The following UNC79 variants were observed in gnomAD, a reference collection of about 807,000 sequenced individuals.
UNC79 encodes unc-79 subunit of NALCN channel complex.
Under a neutral mutation model 283.1 loss-of-function variants are expected in UNC79, and 37 were observed. The observed-to-expected ratio is 0.13, with a 90% confidence interval of 0.10 to 0.17. The LOEUF (loss-of-function observed/expected upper bound fraction) is 0.17. Ranked by LOEUF, UNC79 falls within the 10% of genes least tolerant of loss-of-function variation. The pLI is 1.00. For synonymous variants in UNC79, 1,107 were observed against 1,200.2 expected, an observed-to-expected ratio of 0.92 and a Z score of 1.61; for missense variants, 2,272 against 3,211.1, an observed-to-expected ratio of 0.71 and a Z score of 7.07.
intron 27 of UNC79, among the ~76,000 whole-genome samples, chr14:93,615,273 C>T (rs17129121): frequency 0.13 from 19,578 of 152,070 alleles, 1,440 homozygotes; most frequent in Admixed American, 0.18. Flanking sequence ...AGATGAGCAA[C>T]GTGAGAGCAA....
chr14:93,557,946 G>C (rs1490358420), intron 14 of UNC79, among the ~76,000 whole-genome samples: 1 of 152,118 alleles, frequency 6.6e-6, no homozygotes, highest in Non-Finnish European at 1.5e-5. Context: ...ACATGAACCT[G>C]AAAATTTCCA....
At chr14:93,452,375 A>ATTTTTTT (rs35284465) in intron 1 of UNC79, among the ~76,000 whole-genome samples, 3 of 108,868 alleles carry the variant, frequency 2.8e-5, no homozygotes, top group African/African-American at 1.1e-4. Context: ...GGACTGCATG[A>ATTTTTTT]TTTTTTTTTT....
At chr14:93,431,301 G>C (rs116149956) in intron 1 of UNC79, among the ~76,000 whole-genome samples, 1 of 151,946 alleles carries the variant, frequency 6.6e-6, no homozygotes, top group Admixed American at 6.5e-5. Flanking sequence ...TCAAGACTCA[G>C]AGACCCTGCG....
intron 47 of UNC79, among the ~76,000 whole-genome samples, chr14:93,697,509 G>A (rs924198763): frequency 6.6e-6 from 1 of 152,144 alleles, no homozygotes; most frequent in African/African-American, 2.4e-5. Context: ...ATCAGGTAGT[G>A]TCAGCCTTCT....
chr14:93,337,638 G>T (rs1265784648), intron 1 of UNC79, among the ~76,000 whole-genome samples: 1 of 152,226 alleles, frequency 6.6e-6, no homozygotes, highest in Non-Finnish European at 1.5e-5. Context: ...GAGTGGGGTG[G>T]TGGGATTGAA....
At chr14:93,588,740 CAA>C (rs397745981) in intron 22 of UNC79, among the ~76,000 whole-genome samples, 840 of 17,542 alleles carry the variant, frequency 0.048, 1 homozygote, top group African/African-American at 0.11. Flanking sequence ...GACTCCGTCT[CAA>C]AAAAAAAAAA....
chr14:93,405,053 C>T (rs995917884), intron 1 of UNC79, among the ~76,000 whole-genome samples: 4 of 151,912 alleles, frequency 2.6e-5, no homozygotes, highest in Non-Finnish European at 5.9e-5. Flanking sequence ...GAGGCCGAGG[C>T]GGATGGATCA....
At chr14:93,660,810 G>A (rs1299014391) in intron 39 of UNC79, among the ~76,000 whole-genome samples, 3 of 151,620 alleles carry the variant, frequency 2.0e-5, no homozygotes, top group Admixed American at 6.6e-5. Flanking sequence ...GGCTGGTCTC[G>A]AACTCCTGAC....
intron 47 of UNC79, among the ~76,000 whole-genome samples, chr14:93,700,865 A>G (rs1002501312): frequency 2.0e-5 from 3 of 152,200 alleles, no homozygotes; most frequent in African/African-American, 4.8e-5. Flanking sequence ...TTGGCCCTAT[A>G]TAATCACCAG....
intron 7 of UNC79, among the ~76,000 whole-genome samples, chr14:93,503,054 A>G (rs2059371897): frequency 6.6e-6 from 1 of 152,190 alleles, no homozygotes; most frequent in Non-Finnish European, 1.5e-5. Flanking sequence ...ATAAGTGTTC[A>G]TGGACCACCT....
chr14:93,333,634 G>A (rs1007407838), intron 1 of UNC79: 1 of 387,902 alleles, frequency 2.6e-6, no homozygotes, highest in Non-Finnish European at 4.5e-6. Context: ...AGATACCCCT[G>A]TAAACAAAGG....
intron 42 of UNC79, among the ~76,000 whole-genome samples, chr14:93,683,616 AT>A (rs776924807): frequency 6.6e-5 from 10 of 152,184 alleles, no homozygotes; most frequent in South Asian, 4.1e-4. Context: ...AGCTAAAAAA[AT>A]AATGTCCCTA....
At chr14:93,393,267 C>T (rs369073353) in intron 1 of UNC79, among the ~76,000 whole-genome samples, 1 of 152,192 alleles carries the variant, frequency 6.6e-6, no homozygotes, top group African/African-American at 2.4e-5. Flanking sequence ...TAAATTCCAA[C>T]AAAAGTTTGG....
chr14:93,388,252 C>T lies in UNC79; in HGVS notation c.-351+54729C>T, dbSNP rs550916003. On this transcript the variant is annotated intron_variant, in intron 1 of 49. Transcript: ENST00000256339. The stretch of plus-strand genomic sequence containing the variant: ...TAAGCCTCCCTGGTAGGTGGGACTA[C>T]AGGCACATACCACCACACCCGACTA... 2.6e-5 allele frequency among the ~76,000 whole-genome samples: 4 copies of T among 152,222 alleles called. No individual in the cohort carries two copies. In the South Asian group the frequency reaches 8.3e-4, roughly 32 times the overall value.
At chr14:93,578,742 C>T (rs1197102187) in intron 18 of UNC79, among the ~76,000 whole-genome samples, 1 of 152,094 alleles carries the variant, frequency 6.6e-6, no homozygotes, top group African/African-American at 2.4e-5. Context: ...TTATCAAAAT[C>T]AGGAAATTAA....
At chr14:93,539,041 T>C (rs2061238315) in intron 12 of UNC79, among the ~76,000 whole-genome samples, 2 of 151,030 alleles carry the variant, frequency 1.3e-5, no homozygotes, top group Non-Finnish European at 3.0e-5. Flanking sequence ...TAGCTGGGAT[T>C]ACAGGTGCGC....
intron 14 of UNC79, among the ~76,000 whole-genome samples, chr14:93,545,824 G>A (rs568259128): frequency 5.2e-4 from 79 of 152,308 alleles, no homozygotes; most frequent in African/African-American, 1.7e-3. Context: ...CGTGCCACAC[G>A]AGAGACTGAG....
chr14:93,582,643 C>G (rs1187089089), intron 20 of UNC79, among the ~76,000 whole-genome samples: 1 of 152,184 alleles, frequency 6.6e-6, no homozygotes, highest in Non-Finnish European at 1.5e-5. Flanking sequence ...TGCTGACAAT[C>G]TTGACAGCCA....
rs187837870 is a variant in UNC79, at chr14:93,517,260, C to T, written c.899-6718C>T. The stretch of plus-strand genomic sequence containing the variant: ...TCCTTCCTTTCTCTTTCTTTTTCTC[C>T]TCTTTTCCTTTTCTCTCTCTCTTAC... On this transcript the variant is annotated intron_variant, in intron 7 of 48. Transcript: ENST00000555664. 1.8e-3 allele frequency among the ~76,000 whole-genome samples: 268 copies of T among 144,930 alleles called. 2 individuals carry two copies. The highest frequency in any genetic ancestry group is 6.4e-3 in the African/African-American group (254 of 39,382).
Sources: gnomAD v4.1 joint callset for allele counts (sites outside exome capture counted in the v4.1 genomes callset) on GRCh38, gnomAD v4.1.1 for gene constraint, MANE v1.5 for transcripts, NCBI Gene and HGNC (gene_info 2026-07-23, HGNC 2026-07-21) for gene names.